RALGAPA2: variants seen among roughly 807,000 people sequenced by gnomAD.
RALGAPA2 encodes Ral GTPase activating protein catalytic subunit alpha 2, also known as ral GTPase-activating protein subunit alpha-2.
A neutral mutation model predicts 230.4 loss-of-function variants in RALGAPA2; 139 were observed. That is an observed-to-expected ratio of 0.60 (90% confidence interval 0.53 to 0.69). RALGAPA2 has a LOEUF of 0.69. Among genes scored for constraint, RALGAPA2 ranks in the 30% least tolerant of loss-of-function variants. RALGAPA2 has a pLI of 0.00. For synonymous variants in RALGAPA2, 847 were observed against 837.8 expected (o/e 1.01, Z -0.19); for missense variants, 2,163 against 2,276.0 (o/e 0.95, Z 1.01).
In RALGAPA2 at chr20:20,531,667, G is replaced by C. The variant is rs937347261; in HGVS notation, c.3582+20C>G. 1.3e-6 allele frequency: 2 copies of C among 1,545,796 alleles called. No homozygotes were observed. Among genetic ancestry groups the C allele is most frequent in the Non-Finnish European group, 1.8e-6 (2 of 1,128,480 alleles). On this transcript the variant is annotated intron_variant, in intron 27 of 39. Coordinates refer to ENST00000202677, the MANE Select transcript of RALGAPA2 (RefSeq NM_020343.4). ...TCAGATATGGCTTAATATCCAATCA[G>C]CACCACAAACTGGTAATACCTTCAG...
chr20:20,634,123 CT>C (rs992725078), intron 9 of RALGAPA2, among the ~76,000 whole-genome samples: 14 of 151,434 alleles, frequency 9.2e-5, no homozygotes, highest in Admixed American at 1.3e-4. Flanking sequence ...CTCAAAGACC[CT>C]TTAAGTTTGA....
At chr20:20,497,804 A>C (rs2062253161) in intron 35 of RALGAPA2, among the ~76,000 whole-genome samples, 1 of 152,226 alleles carries the variant, frequency 6.6e-6, no homozygotes. Context: ...TCTGTAATTA[A>C]GGAAGAGCAA....
intron 20 of RALGAPA2, 82 bp from the exon 21 acceptor site, chr20:20,573,150 G>A: frequency 8.3e-7 from 1 of 1,207,020 alleles, no homozygotes. Context: ...AATTACCTTA[G>A]GTATTCAAAG....
At position 20,389,604 on chromosome 20, in the gene RALGAPA2, TGA is replaced by T. The variant is rs2059571251; in HGVS notation, c.*3683_*3684del. 6.6e-6 allele frequency: 1 copy of T among 152,222 alleles called. No homozygotes were observed. The highest frequency in any genetic ancestry group is 1.5e-5 in the Non-Finnish European group (1 of 68,046). 9.4% of individuals were successfully genotyped at this position (152,222 alleles called of 1,614,324 possible). A position where few individuals can be genotyped will look rare whatever the true frequency, so the allele number is the denominator to read the frequency against. ...ATTTTCTTATAAACTATAATGAGAA[TGA>T]GAGAAACATATAGCACTGAAGTGCT... On this transcript the variant is annotated 3_prime_UTR_variant, in exon 40 of 40. Coordinates refer to ENST00000202677, the MANE Select transcript of RALGAPA2 (RefSeq NM_020343.4).
Position 20,663,685 on chromosome 20 carries a change from G to C in RALGAPA2, c.271-10098C>G, listed in dbSNP as rs138324009. On this transcript the variant is annotated intron_variant, in intron 3 of 39. Transcript: ENST00000202677. The stretch of plus-strand genomic sequence containing the variant: ...CAGCTCACTACAATCTCTGCCTCCT[G>C]GGTTCAAGTGATTCTCAAGCCTCAG... 6.5e-4 allele frequency among the ~76,000 whole-genome samples: 99 copies of C among 152,200 alleles called. 2 individuals are homozygous for C. The East Asian group carries it at 0.019, about 29-fold the overall frequency.
At chr20:20,486,895 T>C (rs910021428) in intron 36 of RALGAPA2, among the ~76,000 whole-genome samples, 4 of 152,140 alleles carry the variant, frequency 2.6e-5, no homozygotes, top group Admixed American at 6.5e-5. Flanking sequence ...TGTCATAGGG[T>C]TTTTGGTTTC....
chr20:20,532,492 G>A (rs1202394883), intron 26 of RALGAPA2, among the ~76,000 whole-genome samples: 4 of 152,180 alleles, frequency 2.6e-5, no homozygotes, highest in African/African-American at 7.2e-5. Context: ...CTAAATTTCT[G>A]AACTGAAAAC....
intron 31 of RALGAPA2, among the ~76,000 whole-genome samples, chr20:20,519,317 T>C (rs956209613): frequency 3.9e-5 from 6 of 152,024 alleles, no homozygotes; most frequent in African/African-American, 1.2e-4. Flanking sequence ...GTCCTGTCTT[T>C]TTCATCCTCA....
At chr20:20,588,198 A>G (rs2065186875) in intron 18 of RALGAPA2, among the ~76,000 whole-genome samples, 1 of 152,218 alleles carries the variant, frequency 6.6e-6, no homozygotes, top group African/African-American at 2.4e-5. Context: ...GTTTTCACAA[A>G]AACAAAAAGC....
chr20:20,605,619 C>T (rs1399553267), intron 14 of RALGAPA2, among the ~76,000 whole-genome samples: 1 of 152,122 alleles, frequency 6.6e-6, no homozygotes, highest in African/African-American at 2.4e-5. Flanking sequence ...TCATTATGAA[C>T]AAAGTTACTG....
intron 34 of RALGAPA2, chr20:20,505,051 T>C (rs759518328): frequency 1.8e-5 from 18 of 985,326 alleles, no homozygotes; most frequent in Non-Finnish European, 2.2e-5. Flanking sequence ...TTTTCACCCA[T>C]CAAGTCATTG....
At chr20:20,582,976 T>C in intron 20 of RALGAPA2, 74 bp downstream of exon 20, 1 of 1,488,960 alleles carries the variant, frequency 6.7e-7, no homozygotes, top group African/African-American at 1.4e-5. Context: ...ACCCTCTGTA[T>C]ACAAGACTCC....
chr20:20,705,803 G>T (rs2069577536), intron 1 of RALGAPA2, among the ~76,000 whole-genome samples: 1 of 152,088 alleles, frequency 6.6e-6, no homozygotes, highest in African/African-American at 2.4e-5. Context: ...CGAGCAGCTG[G>T]GATTACAGGC....
chr20:20,528,219 G>C (rs760303157), intron 27 of RALGAPA2, among the ~76,000 whole-genome samples: 29 of 152,296 alleles, frequency 1.9e-4, no homozygotes, highest in Non-Finnish European at 3.4e-4. Context: ...GATGAAATAA[G>C]CCATTCATTT....
At chr20:20,481,105 C>G (rs987041052) in intron 36 of RALGAPA2, among the ~76,000 whole-genome samples, 1 of 152,200 alleles carries the variant, frequency 6.6e-6, no homozygotes, top group Admixed American at 6.5e-5. Context: ...AGGGACTCTT[C>G]TTGGCAAGAT....
chr20:20,513,372 C>T (rs762152843), intron 31 of RALGAPA2, 88 bp from the exon 32 acceptor site: 73 of 1,110,002 alleles, frequency 6.6e-5, no homozygotes, highest in Admixed American at 5.5e-4. Context: ...GGGCAGGGGG[C>T]AGTTCCAATA....
chr20:20,435,787 A>C (rs1325518433), intron 37 of RALGAPA2, among the ~76,000 whole-genome samples: 2 of 152,198 alleles, frequency 1.3e-5, no homozygotes, highest in Admixed American at 6.5e-5. Context: ...CGACACTGGG[A>C]TGTGTCTGTG....
chr20:20,617,189 G>T (rs2066172191), intron 12 of RALGAPA2, among the ~76,000 whole-genome samples: 1 of 152,134 alleles, frequency 6.6e-6, no homozygotes, highest in African/African-American at 2.4e-5. Flanking sequence ...AGCTTCTCTA[G>T]CTCATTTATA....
At chr20:20,537,084 T>C (rs931674640) in intron 24 of RALGAPA2, among the ~76,000 whole-genome samples, 6 of 152,216 alleles carry the variant, frequency 3.9e-5, no homozygotes, top group African/African-American at 1.4e-4. Context: ...TTACTGCTAA[T>C]GTTCTCAACA....
Sources: allele counts gnomAD v4.1 joint callset (sites outside exome capture counted in the v4.1 genomes callset), GRCh38; gene constraint gnomAD v4.1.1; transcripts MANE v1.5; gene names NCBI Gene and HGNC (gene_info 2026-07-23, HGNC 2026-07-21).